SLC10A7: variants seen among roughly 807,000 people sequenced by gnomAD.
The protein encoded by SLC10A7 is solute carrier family 10 member 7.
SLC10A7 carries 29 observed loss-of-function variants against 43.2 expected under a neutral mutation model. That is an observed-to-expected ratio of 0.67 (90% CI 0.50 to 0.92). The LOEUF (loss-of-function observed/expected upper bound fraction) is 0.92, where lower values mean the gene tolerates loss of function less well. Among genes scored for constraint, SLC10A7 ranks in the 40% least tolerant of loss-of-function variants. The pLI, the probability that SLC10A7 is intolerant of heterozygous loss-of-function variation, is 0.00. For missense variants in SLC10A7, 295 were observed against 403.2 expected, an observed-to-expected ratio of 0.73 and a Z score of 2.30; for synonymous variants, 152 against 144.8, an observed-to-expected ratio of 1.05 and a Z score of -0.35.
chr4:146,343,367 C>A (rs2149730827), intron 5 of SLC10A7, among the ~76,000 whole-genome samples: 1 of 152,174 alleles, frequency 6.6e-6, no homozygotes, highest in African/African-American at 2.4e-5. Context: ...ATAGAAAGCA[C>A]ATCTGTGGTC....
chr4:146,453,216 C>T (rs1305034811), intron 4 of SLC10A7, among the ~76,000 whole-genome samples: 1 of 151,846 alleles, frequency 6.6e-6, no homozygotes, highest in East Asian at 1.9e-4. Flanking sequence ...AACTATTCAT[C>T]TCAATTCAGG....
chr4:146,290,474 G>A (rs547245365), intron 9 of SLC10A7, among the ~76,000 whole-genome samples: 35 of 152,240 alleles, frequency 2.3e-4, no homozygotes, highest in Middle Eastern at 3.4e-3. Context: ...GGGACAGGGC[G>A]GGGAGGGGGT....
At chr4:146,259,128 G>A (rs141236557) in intron 10 of SLC10A7, among the ~76,000 whole-genome samples, 17 of 152,310 alleles carry the variant, frequency 1.1e-4, no homozygotes, top group Non-Finnish European at 2.1e-4. Context: ...AGAAGATTGC[G>A]TGTGATGGAG....
intron 4 of SLC10A7, among the ~76,000 whole-genome samples, chr4:146,469,323 T>C (rs1346082353): frequency 6.6e-6 from 1 of 152,152 alleles, no homozygotes; most frequent in African/African-American, 2.4e-5. Context: ...GTCAGAGAGA[T>C]TGGAAATTTA....
intron 5 of SLC10A7, among the ~76,000 whole-genome samples, chr4:146,386,983 A>T (rs908290753): frequency 2.0e-5 from 3 of 152,242 alleles, no homozygotes; most frequent in Admixed American, 6.5e-5. Context: ...ATCACTGAAT[A>T]AATGTATGTT....
At chr4:146,363,969 A>G (rs1278137848) in intron 5 of SLC10A7, among the ~76,000 whole-genome samples, 1 of 151,998 alleles carries the variant, frequency 6.6e-6, no homozygotes, top group Non-Finnish European at 1.5e-5. Flanking sequence ...CACACCAAAC[A>G]CAAAATTAAT....
At chr4:146,423,292 A>C (rs906402262) in intron 5 of SLC10A7, among the ~76,000 whole-genome samples, 4 of 152,142 alleles carry the variant, frequency 2.6e-5, no homozygotes, top group Non-Finnish European at 5.9e-5. Flanking sequence ...TCTATTTAAC[A>C]AGTCATTTTC....
At chr4:146,358,298 T>G (rs187680642) in intron 5 of SLC10A7, among the ~76,000 whole-genome samples, 1 of 152,284 alleles carries the variant, frequency 6.6e-6, no homozygotes, top group East Asian at 1.9e-4. Context: ...TGCAGATTAT[T>G]GATTGTGAGT....
intron 5 of SLC10A7, among the ~76,000 whole-genome samples, chr4:146,396,836 T>C (rs139532539): frequency 3.9e-3 from 579 of 149,944 alleles, no homozygotes; most frequent in Non-Finnish European, 5.9e-3. Context: ...CCAGCCCCTT[T>C]AGAAATTCAG....
At chr4:146,359,788 C>T (rs1401253563) in intron 5 of SLC10A7, among the ~76,000 whole-genome samples, 1 of 152,044 alleles carries the variant, frequency 6.6e-6, no homozygotes. Context: ...GAAGAATTTC[C>T]ATTATTGAAT....
At chr4:146,360,147 T>C (rs143307997) in intron 5 of SLC10A7, among the ~76,000 whole-genome samples, 1 of 152,294 alleles carries the variant, frequency 6.6e-6, no homozygotes, top group African/African-American at 2.4e-5. Flanking sequence ...CTCTATCTCT[T>C]AAATAAATTT....
chr4:146,490,705 C>A (rs1272712811), intron 4 of SLC10A7, among the ~76,000 whole-genome samples: 3 of 152,098 alleles, frequency 2.0e-5, no homozygotes, highest in African/African-American at 7.2e-5. Flanking sequence ...TTAACTGGAA[C>A]TAAAATGGAC....
At chr4:146,363,026 C>T (rs1736157462) in intron 5 of SLC10A7, among the ~76,000 whole-genome samples, 1 of 151,984 alleles carries the variant, frequency 6.6e-6, no homozygotes, top group Non-Finnish European at 1.5e-5. Flanking sequence ...AATAATAACA[C>T]TGAATGTAAA....
intron 4 of SLC10A7, among the ~76,000 whole-genome samples, chr4:146,474,238 C>T (rs1474802328): frequency 6.6e-6 from 1 of 151,770 alleles, no homozygotes; most frequent in Admixed American, 6.6e-5. Context: ...AGTATAAATA[C>T]AAAATACTAA....
chr4:146,333,519 T>C (rs551905629), intron 5 of SLC10A7, among the ~76,000 whole-genome samples: 19 of 151,252 alleles, frequency 1.3e-4, no homozygotes, highest in African/African-American at 4.6e-4. Flanking sequence ...AGAAAAGGAG[T>C]TAACCAGGCA....
intron 5 of SLC10A7, among the ~76,000 whole-genome samples, chr4:146,391,665 C>T (rs897937679): frequency 2.0e-5 from 3 of 152,152 alleles, no homozygotes; most frequent in East Asian, 3.8e-4. Flanking sequence ...TCTCTAAAGT[C>T]CCCATACATC....
intron 7 of SLC10A7, among the ~76,000 whole-genome samples, chr4:146,304,807 T>C (rs916262368): frequency 6.6e-6 from 1 of 152,144 alleles, no homozygotes; most frequent in African/African-American, 2.4e-5. Flanking sequence ...GGTATCCTTG[T>C]TGACTTTCTG....
chr4:146,515,045 A>G, intron 2 of SLC10A7: 1 of 688,242 alleles, frequency 1.5e-6, no homozygotes, highest in Non-Finnish European at 2.6e-6. Flanking sequence ...GGTGCTTACA[A>G]AAGAAGTCAG....
intron 4 of SLC10A7, among the ~76,000 whole-genome samples, chr4:146,481,253 A>G (rs1734449422): frequency 6.6e-6 from 1 of 152,168 alleles, no homozygotes; most frequent in Admixed American, 6.5e-5. Context: ...CCCAGTCCAA[A>G]TAGGCACAGT....
Sources: gnomAD v4.1 joint callset for allele counts (sites outside exome capture counted in the v4.1 genomes callset) on GRCh38, gnomAD v4.1.1 for gene constraint, MANE v1.5 for transcripts, NCBI Gene and HGNC (gene_info 2026-07-23, HGNC 2026-07-21) for gene names.